GPHN: variants seen among roughly 807,000 people sequenced by gnomAD.
GPHN encodes gephyrin.
GPHN carries 17 observed loss-of-function variants against 95.5 expected under a neutral mutation model. The ratio of observed to expected loss-of-function variants is 0.18; its 90% CI spans 0.12 to 0.27. The LOEUF is 0.27. Among genes scored for constraint, GPHN ranks in the 10% least tolerant of loss-of-function variants. The probability of loss-of-function intolerance (pLI) is 1.00; values close to 1 mark genes in which losing one functional copy is unlikely to be tolerated. For synonymous variants in GPHN, 320 were observed against 322.5 expected (o/e 0.99, Z 0.08); for missense variants, 660 against 978.1 (o/e 0.67, Z 4.34).
At chr14:67,226,572 G>C in the GPHN span, among the ~76,000 whole-genome samples, 1 of 152,112 alleles carries the variant, frequency 6.6e-6, no homozygotes, top group Non-Finnish European at 1.5e-5. Context: ...TGTTGGCCAG[G>C]CTGGTCTCAA....
chr14:67,439,538 T>TTTCC, the GPHN span, among the ~76,000 whole-genome samples: 10 of 42,550 alleles, frequency 2.4e-4, no homozygotes, highest in East Asian at 4.0e-3. Context: ...CAATAGTTTC[T>TTTCC]TTCTTTCTTT....
chr14:66,973,691 G>A (rs945218214), intron 9 of GPHN, among the ~76,000 whole-genome samples: 4 of 152,114 alleles, frequency 2.6e-5, no homozygotes, highest in Admixed American at 6.5e-5. Context: ...CCCGAGAGGC[G>A]GAGGTTGCAG....
chr14:66,647,649 G>T (rs920442275), intron 1 of GPHN, among the ~76,000 whole-genome samples: 24 of 151,718 alleles, frequency 1.6e-4, no homozygotes, highest in African/African-American at 5.3e-4. Context: ...TAATAAAATA[G>T]AATAATTATA....
intron 5 of GPHN, among the ~76,000 whole-genome samples, chr14:66,885,242 G>A (rs1046025858): frequency 9.2e-5 from 14 of 151,992 alleles, no homozygotes; most frequent in African/African-American, 3.1e-4. Flanking sequence ...TGGCAGAGTA[G>A]TATATATAGG....
chr14:67,593,938 G>A, the GPHN span: 1 of 1,610,684 alleles, frequency 6.2e-7, no homozygotes, highest in Non-Finnish European at 8.5e-7. Flanking sequence ...TGGCAGCAGA[G>A]AGGATCATGC....
the GPHN span, among the ~76,000 whole-genome samples, chr14:67,625,947 G>A: frequency 6.6e-6 from 1 of 151,918 alleles, no homozygotes; most frequent in Non-Finnish European, 1.5e-5. Flanking sequence ...TAGTCATTAC[G>A]GAAATGCAAA....
the GPHN span, among the ~76,000 whole-genome samples, chr14:67,288,029 A>G: frequency 6.6e-6 from 1 of 152,100 alleles, no homozygotes; most frequent in Non-Finnish European, 1.5e-5. Flanking sequence ...GTCAGTGGTG[A>G]AATCTGAGGC....
At chr14:66,791,572 C>G (rs2059970517) in intron 3 of GPHN, among the ~76,000 whole-genome samples, 1 of 152,132 alleles carries the variant, frequency 6.6e-6, no homozygotes, top group Non-Finnish European at 1.5e-5. Context: ...TTTTTTTAGA[C>G]CATATAGGGT....
chr14:67,423,240 G>C, the GPHN span, among the ~76,000 whole-genome samples: 2 of 152,020 alleles, frequency 1.3e-5, no homozygotes, highest in African/African-American at 4.8e-5. Context: ...GTTGGGGGAG[G>C]GCATTTGTTT....
At chr14:67,527,590 C>A in the GPHN span, among the ~76,000 whole-genome samples, 56 of 152,324 alleles carry the variant, frequency 3.7e-4, no homozygotes, top group South Asian at 0.011. Flanking sequence ...CTGGCTGTGT[C>A]CCCGGTGTGT....
intron 11 of GPHN, among the ~76,000 whole-genome samples, chr14:67,072,300 C>T (rs59030512): frequency 0.011 from 1,701 of 152,054 alleles, 36 homozygotes; most frequent in African/African-American, 0.039. Flanking sequence ...CTGTCTATTC[C>T]TAATGTTTTA....
At chr14:67,380,579 C>A in the GPHN span, 2 of 633,272 alleles carry the variant, frequency 3.2e-6, no homozygotes, top group African/African-American at 1.9e-5. Flanking sequence ...CTATTATATG[C>A]ATTGTTCCAT....
chr14:66,689,901 T>G (rs1006702907), intron 2 of GPHN, among the ~76,000 whole-genome samples: 2 of 152,056 alleles, frequency 1.3e-5, no homozygotes, highest in African/African-American at 4.8e-5. Context: ...TTTTATTTAT[T>G]TGAGTCTTTT....
the GPHN span, chr14:67,579,407 C>T: frequency 1.0e-6 from 1 of 994,016 alleles, no homozygotes. Flanking sequence ...AGATTGTTCA[C>T]TGTTGCCCCA....
chr14:66,657,785 C>T (rs984879291), intron 1 of GPHN, among the ~76,000 whole-genome samples: 3 of 152,186 alleles, frequency 2.0e-5, no homozygotes, highest in Non-Finnish European at 4.4e-5. Context: ...TGCTCACTGA[C>T]AGTGCCCCTC....
chr14:66,767,820 T>A (rs1223329012), intron 2 of GPHN, among the ~76,000 whole-genome samples: 1 of 151,976 alleles, frequency 6.6e-6, no homozygotes, highest in African/African-American at 2.4e-5. Flanking sequence ...ACAATGTTTG[T>A]ATGTAGTAAG....
intron 2 of GPHN, among the ~76,000 whole-genome samples, chr14:66,723,120 G>A (rs896826745): frequency 3.3e-5 from 5 of 151,982 alleles, no homozygotes; most frequent in African/African-American, 7.2e-5. Context: ...TGGCACAATC[G>A]TAGATCACTG....
At chr14:67,368,162 A>G in the GPHN span, among the ~76,000 whole-genome samples, 1 of 152,202 alleles carries the variant, frequency 6.6e-6, no homozygotes, top group African/African-American at 2.4e-5. Flanking sequence ...AAAGTAGGTC[A>G]GAGCTTTTGT....
At chr14:66,834,277 C>T (rs944902263) in intron 4 of GPHN, among the ~76,000 whole-genome samples, 1 of 152,130 alleles carries the variant, frequency 6.6e-6, no homozygotes, top group East Asian at 1.9e-4. Context: ...CCAAAACATA[C>T]ATCCTCTATT....
Sources: allele counts gnomAD v4.1 joint callset (sites outside exome capture counted in the v4.1 genomes callset), GRCh38; gene constraint gnomAD v4.1.1; transcripts MANE v1.5; gene names NCBI Gene and HGNC (gene_info 2026-07-23, HGNC 2026-07-21).